Variants in NRP2 observed in about 807,000 individuals in gnomAD.
NRP2 encodes the protein neuropilin 2.
In NRP2, 52 loss-of-function variants were observed where a neutral mutation model predicts 110.4. The ratio of observed to expected loss-of-function variants is 0.47; its 90% CI spans 0.38 to 0.59. The LOEUF (loss-of-function observed/expected upper bound fraction) is 0.59, where lower values mean the gene tolerates loss of function less well. NRP2 is among the 20% of genes least tolerant of loss of function. The pLI is 0.00. For missense variants in NRP2, 1,049 were observed against 1,203.0 expected, an observed-to-expected ratio of 0.87 and a Z score of 1.89; for synonymous variants, 508 against 468.9, an observed-to-expected ratio of 1.08 and a Z score of -1.08.
intron 12 of NRP2, among the ~76,000 whole-genome samples, chr2:205,761,746 G>T (rs1228014122): frequency 6.6e-6 from 1 of 152,208 alleles, no homozygotes; most frequent in African/African-American, 2.4e-5. Flanking sequence ...ATTGCATGAA[G>T]GTGGAAAACC....
In NRP2 at chr2:205,697,414, T is replaced by C. The variant is rs959777007; in HGVS notation, c.74-130T>C. 1.4e-5 allele frequency: 13 copies of C among 903,694 alleles called. No homozygotes were observed. In the Admixed American group the frequency reaches 2.2e-4, roughly 15 times the overall value. 56.0% of individuals were successfully genotyped at this position (903,694 alleles called of 1,614,324 possible). On this transcript the variant is annotated intron_variant, in intron 1 of 16. Coordinates refer to ENST00000357785, the MANE Select transcript of NRP2 (RefSeq NM_003872.3). Reference sequence around the variant, plus strand: ...CACCGAATGAGTAAGTAGGTTAGTCTTCTGGACTGCCATAAAAGGTCTGTA... The same window carrying C: ...CACCGAATGAGTAAGTAGGTTAGTCCTCTGGACTGCCATAAAAGGTCTGTA...
intron 16 of NRP2, 26 bp from the exon 17 acceptor site, chr2:205,794,728 T>A (rs1559372663): frequency 6.2e-7 from 1 of 1,613,050 alleles, no homozygotes; most frequent in Non-Finnish European, 8.5e-7. Flanking sequence ...GTGCCTGCAA[T>A]CTCTCATGAA....
intron 15 of NRP2, among the ~76,000 whole-genome samples, chr2:205,780,654 G>A (rs143209165): frequency 2.6e-5 from 4 of 152,262 alleles, no homozygotes; most frequent in East Asian, 1.9e-4. Flanking sequence ...TCAGGGGTCC[G>A]AGAACCATCC....
chr2:205,723,596 A>G (rs1234566930), intron 4 of NRP2, among the ~76,000 whole-genome samples, 189 bp from the exon 5 acceptor site: 2 of 152,236 alleles, frequency 1.3e-5, no homozygotes, highest in African/African-American at 4.8e-5. Context: ...TTAATGAAAA[A>G]GTGAAAGTGC....
rs780442975 is a variant in NRP2 at position 205,683,379 on chromosome 2, T to A, written c.73+16T>A. ...GGCCAACCAGGTAAGCCACTGAAAG[T>A]TTTTCTATTTATTGCAACATGGTTT... is the stretch of plus-strand genomic sequence containing the variant. On this transcript the variant is annotated intron_variant, in intron 1 of 16. Coordinates refer to ENST00000357785, the MANE Select transcript of NRP2 (RefSeq NM_003872.3). 4.4e-6 allele frequency: 7 copies of A among 1,596,264 alleles called. No homozygotes were observed. Among genetic ancestry groups the A allele is most frequent in the Non-Finnish European group, 6.0e-6 (7 of 1,164,030 alleles).
chr2:205,749,649 G>A (rs2057605420), intron 10 of NRP2, 76 bp from the exon 11 acceptor site: 1 of 1,144,696 alleles, frequency 8.7e-7, no homozygotes, highest in Non-Finnish European at 1.3e-6. Context: ...CTCTAGAGAT[G>A]TTTGGCATCT....
intron 16 of NRP2, among the ~76,000 whole-genome samples, chr2:205,793,024 G>A (rs1056041977): frequency 6.6e-6 from 1 of 152,186 alleles, no homozygotes; most frequent in Non-Finnish European, 1.5e-5. Context: ...AGTTTATAGA[G>A]CAGCTGCTTT....
At chr2:205,741,065 C>G (rs2057431639) in intron 8 of NRP2, among the ~76,000 whole-genome samples, 1 of 152,190 alleles carries the variant, frequency 6.6e-6, no homozygotes, top group Non-Finnish European at 1.5e-5. Flanking sequence ...GTCCAAAGCC[C>G]TTGCTTTCAA....
chr2:205,749,112 C>T (rs1278016184), intron 10 of NRP2, among the ~76,000 whole-genome samples: 1 of 152,224 alleles, frequency 6.6e-6, no homozygotes, highest in Non-Finnish European at 1.5e-5. Flanking sequence ...CACCTCCCCT[C>T]CAGGCCCCAG....
At chr2:205,769,310 G>A (rs1052131531) in intron 15 of NRP2, among the ~76,000 whole-genome samples, 1 of 152,118 alleles carries the variant, frequency 6.6e-6, no homozygotes, top group African/African-American at 2.4e-5. Flanking sequence ...TTCTTTGGGA[G>A]CAATCACTGT....
At chr2:205,782,847 T>A (rs1202620262) in intron 15 of NRP2, among the ~76,000 whole-genome samples, 1 of 151,406 alleles carries the variant, frequency 6.6e-6, no homozygotes, top group East Asian at 1.9e-4. Flanking sequence ...GTGTTCAGAC[T>A]GTGTCTAGTT....
rs1315612985 is a variant in NRP2 at position 205,796,651 on chromosome 2, G to A, written c.*1593G>A. On this transcript the variant is annotated 3_prime_UTR_variant, in exon 17 of 17. Coordinates refer to ENST00000357785, the MANE Select transcript of NRP2 (RefSeq NM_003872.3). ...AGGAATGAGTCCTGCTACCCGAGTG[G>A]TAGTCATAGCCCTAGATGACTCTCA... 1.3e-5 allele frequency: 2 copies of A among 152,664 alleles called. No individual in the cohort carries two copies. The highest frequency in any genetic ancestry group is 4.8e-5 in the African/African-American group (2 of 41,536). 9.5% of individuals were successfully genotyped at this position (152,664 alleles called of 1,614,324 possible).
intron 6 of NRP2, 63 bp from the exon 7 acceptor site, chr2:205,727,828 A>T: frequency 6.6e-7 from 1 of 1,524,204 alleles, no homozygotes; most frequent in Non-Finnish European, 8.9e-7. Context: ...TCCTTTGGAA[A>T]AAAACAAGAC....
rs1232680902 is a variant in NRP2, at chr2:205,764,367, G to T, written c.2307+431G>T. On this transcript the variant is annotated intron_variant, in intron 13 of 16. Transcript: ENST00000357785. ...CAAGAACACAGGAAGGGGAGCGGGG[G>T]CTGTTGGCGCTCAGTGGCCGGCAGA... 2.1e-5 allele frequency: 4 copies of T among 194,122 alleles called. No homozygotes were observed. The East Asian group carries it at 4.3e-4, about 21-fold the overall frequency. The allele number at this position is 194,122 out of a possible 1,614,324, so 12.0% of individuals were successfully genotyped here.
At chr2:205,683,891 G>A (rs1382411238) in intron 1 of NRP2, among the ~76,000 whole-genome samples, 4 of 152,194 alleles carry the variant, frequency 2.6e-5, no homozygotes, top group African/African-American at 9.7e-5. Flanking sequence ...AGAATCATAA[G>A]GCTCAGGCTG....
chr2:205,689,520 T>C (rs1231017285), intron 1 of NRP2, among the ~76,000 whole-genome samples: 1 of 152,224 alleles, frequency 6.6e-6, no homozygotes, highest in Non-Finnish European at 1.5e-5. Flanking sequence ...GGTAAGTTGA[T>C]TTTTATGAGA....
In NRP2 at chr2:205,773,996, C is replaced by T. The variant is rs552033803; in HGVS notation, c.2425+7193C>T. On this transcript the variant is annotated intron_variant, in intron 15 of 16. Coordinates refer to ENST00000357785, the MANE Select transcript of NRP2 (RefSeq NM_003872.3). ...TGCAGCCTCATTAGGGGATGGCCCT[C>T]ACTGTGGAGCCACATGAAAATCAGA... Among the ~76,000 whole-genome samples, 9 of 152,328 alleles carry T rather than the reference C, an allele frequency of 5.9e-5. No individual in the cohort carries two copies. In the South Asian group the frequency reaches 1.7e-3, roughly 28 times the overall value.
At chr2:205,790,232 A>G (rs1487788342) in intron 15 of NRP2, among the ~76,000 whole-genome samples, 1 of 152,186 alleles carries the variant, frequency 6.6e-6, no homozygotes, top group Non-Finnish European at 1.5e-5. Context: ...TTCTTAGGAA[A>G]TCATCTCATC....
At chr2:205,765,692 GTC>G (rs1341470141) in intron 14 of NRP2, 122 bp downstream of exon 14, 1 of 848,964 alleles carries the variant, frequency 1.2e-6, no homozygotes, top group Admixed American at 1.7e-5. Flanking sequence ...GGCAGCCACA[GTC>G]TCTGCAAGGT....
Sources: allele counts gnomAD v4.1 joint callset (sites outside exome capture counted in the v4.1 genomes callset), GRCh38; gene constraint gnomAD v4.1.1; transcripts MANE v1.5; gene names NCBI Gene and HGNC (gene_info 2026-07-23, HGNC 2026-07-21).